Variants in KHDRBS2 observed in about 807,000 individuals in gnomAD.
KHDRBS2 encodes the protein KH domain-containing, RNA-binding, signal transduction-associated protein 2.
KHDRBS2 carries 26 observed loss-of-function variants against 44.3 expected under a neutral mutation model. The observed-to-expected ratio is 0.59, with a 90% CI of 0.43 to 0.81. The LOEUF (loss-of-function observed/expected upper bound fraction) is 0.81, where lower values mean the gene tolerates loss of function less well. Among genes scored for constraint, KHDRBS2 ranks in the 40% least tolerant of loss-of-function variants. The probability of loss-of-function intolerance (pLI) is 0.00; values close to 1 mark genes in which losing one functional copy is unlikely to be tolerated. For synonymous variants in KHDRBS2, 194 were observed against 151.1 expected, an observed-to-expected ratio of 1.28 and a Z score of -2.08; for missense variants, 476 against 433.1, an observed-to-expected ratio of 1.10 and a Z score of -0.88.
intron 3 of KHDRBS2, among the ~76,000 whole-genome samples, chr6:62,015,641 T>C (rs1193496374): frequency 1.3e-5 from 2 of 152,098 alleles, no homozygotes; most frequent in Admixed American, 6.6e-5. Context: ...ACTCCACCTC[T>C]AGTTTCATGG....
intron 6 of KHDRBS2, among the ~76,000 whole-genome samples, chr6:61,846,335 A>G (rs1254143706): frequency 2.6e-5 from 4 of 152,210 alleles, no homozygotes; most frequent in Non-Finnish European, 4.4e-5. Flanking sequence ...AAGTAAATCT[A>G]TCATATAATA....
the KHDRBS2 span, among the ~76,000 whole-genome samples, chr6:61,630,788 T>C: frequency 6.6e-6 from 1 of 152,126 alleles, no homozygotes; most frequent in Non-Finnish European, 1.5e-5. Flanking sequence ...GCTCTAAACA[T>C]GGGGGACATA....
intron 2 of KHDRBS2, among the ~76,000 whole-genome samples, chr6:62,070,255 AG>A (rs1674129600): frequency 1.3e-5 from 2 of 151,592 alleles, no homozygotes; most frequent in African/African-American, 4.8e-5. Flanking sequence ...ATTGATATAT[AG>A]TTTTCTTTTT....
At chr6:61,747,001 G>C (rs972177564) in intron 6 of KHDRBS2, among the ~76,000 whole-genome samples, 9 of 144,008 alleles carry the variant, frequency 6.2e-5, no homozygotes, top group Non-Finnish European at 1.4e-4. Context: ...TTAATATCCA[G>C]AATCTACAAG....
chr6:61,610,391 C>T, the KHDRBS2 span, among the ~76,000 whole-genome samples: 6 of 152,164 alleles, frequency 3.9e-5, no homozygotes, highest in South Asian at 2.1e-4. Flanking sequence ...AATTTAGCAA[C>T]TTAAAATCAT....
At chr6:61,692,467 T>C (rs1047886438) in intron 8 of KHDRBS2, among the ~76,000 whole-genome samples, 5 of 152,084 alleles carry the variant, frequency 3.3e-5, no homozygotes, top group Admixed American at 6.6e-5. Context: ...ATGAGCAAGA[T>C]AGTTTAATAT....
intron 6 of KHDRBS2, among the ~76,000 whole-genome samples, chr6:61,776,880 A>G (rs915064477): frequency 6.6e-6 from 1 of 152,210 alleles, no homozygotes; most frequent in East Asian, 1.9e-4. Context: ...AAATACTTGG[A>G]TCCAACCTAA....
Position 61,848,594 on chromosome 6 carries a change from CT to C in KHDRBS2, c.810+46040del, listed in dbSNP as rs531614718. On this transcript the variant is annotated intron_variant, in intron 6 of 8. Coordinates refer to ENST00000281156, the MANE Select transcript of KHDRBS2 (RefSeq NM_152688.4). Reference sequence around the variant, plus strand: ...ATATATACATATATATATATATATACTTTTTTTTAACTCGATTCCAGGCTTT... The same window carrying C: ...ATATATACATATATATATATATATACTTTTTTTAACTCGATTCCAGGCTTT... Among the ~76,000 whole-genome samples, 8 of 85,460 alleles carry C rather than the reference CT, an allele frequency of 9.4e-5. No homozygotes were observed. The East Asian group carries it at 1.5e-3, about 16-fold the overall frequency. The allele number at this position is 85,460 out of a possible 152,430, so 56.1% of individuals were successfully genotyped here. A position where few individuals can be genotyped will look rare whatever the true frequency, so the allele number is the denominator to read the frequency against.
chr6:62,000,099 A>C (rs1479384711), intron 3 of KHDRBS2, among the ~76,000 whole-genome samples: 2 of 152,102 alleles, frequency 1.3e-5, no homozygotes, highest in Non-Finnish European at 2.9e-5. Flanking sequence ...GGGGGCCCTC[A>C]TACAGACTAC....
intron 1 of KHDRBS2, among the ~76,000 whole-genome samples, chr6:62,185,981 C>T (rs1234050611): frequency 1.3e-5 from 2 of 151,990 alleles, no homozygotes; most frequent in African/African-American, 2.4e-5. Flanking sequence ...GCTTTCTGGA[C>T]TTCTATTGTT....
chr6:62,011,805 A>G (rs1780345596), intron 3 of KHDRBS2, among the ~76,000 whole-genome samples: 1 of 152,142 alleles, frequency 6.6e-6, no homozygotes, highest in African/African-American at 2.4e-5. Flanking sequence ...TATCATTATT[A>G]CTATTTTAGT....
At chr6:62,277,310 G>A (rs1158668650) in intron 1 of KHDRBS2, among the ~76,000 whole-genome samples, 1 of 151,860 alleles carries the variant, frequency 6.6e-6, no homozygotes, top group African/African-American at 2.4e-5. Context: ...CATATCATAT[G>A]CAGTTTTTTG....
At chr6:62,057,951 A>T (rs1790674192) in intron 2 of KHDRBS2, among the ~76,000 whole-genome samples, 1 of 151,968 alleles carries the variant, frequency 6.6e-6, no homozygotes, top group Admixed American at 6.6e-5. Flanking sequence ...TATTTTAGGG[A>T]CATTTTTAAC....
At chr6:61,688,733 G>C (rs1015711214) in intron 8 of KHDRBS2, among the ~76,000 whole-genome samples, 4 of 151,974 alleles carry the variant, frequency 2.6e-5, no homozygotes, top group Admixed American at 2.6e-4. Flanking sequence ...GCAAGTGCCT[G>C]TGTTTATACC....
intron 2 of KHDRBS2, among the ~76,000 whole-genome samples, chr6:62,066,839 G>C (rs1478277368): frequency 6.6e-6 from 1 of 151,320 alleles, no homozygotes; most frequent in Admixed American, 6.6e-5. Context: ...TTTTTGTCCT[G>C]GATGGTATCT....
At chr6:61,715,329 G>A (rs1323086156) in intron 7 of KHDRBS2, among the ~76,000 whole-genome samples, 1 of 151,846 alleles carries the variant, frequency 6.6e-6, no homozygotes, top group African/African-American at 2.4e-5. Context: ...CTAAATTCTA[G>A]GTTTGATGAT....
At chr6:61,724,969 T>C (rs1199590679) in intron 7 of KHDRBS2, among the ~76,000 whole-genome samples, 1 of 152,072 alleles carries the variant, frequency 6.6e-6, no homozygotes, top group African/African-American at 2.4e-5. Context: ...ACCTGATAGA[T>C]ATATACAGAA....
the KHDRBS2 span, among the ~76,000 whole-genome samples, chr6:61,601,506 A>G: frequency 1.3e-5 from 2 of 152,182 alleles, no homozygotes; most frequent in South Asian, 4.2e-4. Context: ...CAATTTTTCC[A>G]TACTACAAGA....
chr6:62,053,893 T>C (rs2127316646), intron 2 of KHDRBS2, among the ~76,000 whole-genome samples: 1 of 152,164 alleles, frequency 6.6e-6, no homozygotes, highest in African/African-American at 2.4e-5. Context: ...AAAAGGTTAA[T>C]TGTATTTTTG....
Sources: gnomAD v4.1 joint callset for allele counts (sites outside exome capture counted in the v4.1 genomes callset) on GRCh38, gnomAD v4.1.1 for gene constraint, MANE v1.5 for transcripts, NCBI Gene and HGNC (gene_info 2026-07-23, HGNC 2026-07-21) for gene names.